BRD1: variants seen among roughly 807,000 people sequenced by gnomAD.
The protein encoded by BRD1 is bromodomain containing 1, also known as bromodomain-containing protein 1.
A neutral mutation model predicts 107.7 loss-of-function variants in BRD1; 24 were observed. The observed-to-expected ratio is 0.22, with a 90% confidence interval of 0.16 to 0.31. The LOEUF (loss-of-function observed/expected upper bound fraction) is 0.31. BRD1 is among the 10% of genes least tolerant of loss of function. BRD1 has a pLI of 1.00. For synonymous variants in BRD1, 744 were observed against 686.1 expected (o/e 1.08, Z -1.32); for missense variants, 1,279 against 1,638.6 (o/e 0.78, Z 3.79).
intron 3 of BRD1, among the ~76,000 whole-genome samples, chr22:49,800,492 C>A (rs9616354): frequency 6.6e-6 from 1 of 152,196 alleles, no homozygotes; most frequent in Non-Finnish European, 1.5e-5. Flanking sequence ...AGCTTGCAAT[C>A]GACACTTCTG....
chr22:49,814,740 G>T (rs2059917612), intron 2 of BRD1, among the ~76,000 whole-genome samples: 1 of 152,198 alleles, frequency 6.6e-6, no homozygotes, highest in African/African-American at 2.4e-5. Flanking sequence ...CCTCCAGCAG[G>T]TAGCACCTAG....
rs2059358748 is a variant in BRD1 at position 49,787,720 on chromosome 22, G to C, written c.2527C>G (p.Gln843Glu). ...GGGCGTCCGCTTACCAGTGCGCTCT[G>C]AGTGCAAGCGCTATGTGATTCATTA... Reference protein sequence around the residue: ...FDNESHSACTQSALVSGRPPE... With the variant: ...FDNESHSACTESALVSGRPPE... Residue 843 changes from glutamine (Q) to glutamate (E), a missense_variant, in exon 8 of 13, where the codon CAG (glutamine) becomes GAG (glutamate). By Grantham distance (29) the Gln-to-Glu change is conservative. This residue lies in a region of BRD1 where 406 missense variants were observed against 519.4 expected (regional missense o/e 0.78). Transcript: ENST00000404760. 1 of 1,550,822 alleles carries C rather than the reference G, an allele frequency of 6.4e-7. No individual in the cohort carries two copies. The highest frequency in any genetic ancestry group is 8.7e-7 in the Non-Finnish European group (1 of 1,147,058).
At chr22:49,781,789 AAAG>A (rs1353219559) in intron 8 of BRD1, among the ~76,000 whole-genome samples, 3 of 152,404 alleles carry the variant, frequency 2.0e-5, no homozygotes, top group Non-Finnish European at 4.4e-5. Flanking sequence ...ACCATCGTTA[AAAG>A]AAGAGCAGTT....
intron 2 of BRD1, among the ~76,000 whole-genome samples, chr22:49,811,594 C>T (rs186366518): frequency 5.9e-5 from 9 of 152,340 alleles, no homozygotes; most frequent in South Asian, 4.1e-4. Context: ...AGGCAGGACA[C>T]GACAGGGAGA....
chr22:49,791,866 G>A (rs66513329), intron 7 of BRD1, among the ~76,000 whole-genome samples: 4,626 of 152,236 alleles, frequency 0.03, 91 homozygotes, highest in Middle Eastern at 0.095. Flanking sequence ...CATCAATTGA[G>A]TCATTGTGAA....
chr22:49,787,378 C>T lies in BRD1; in HGVS notation c.2857+12G>A, dbSNP rs374669680. 2.7e-5 allele frequency: 44 copies of T among 1,601,680 alleles called. No individual in the cohort carries two copies. Among genetic ancestry groups the T allele is most frequent in the Non-Finnish European group, 3.2e-5 (37 of 1,173,346 alleles). On this transcript the variant is annotated intron_variant, in intron 8 of 12. Transcript: ENST00000404760. ...GGCAAGGGCGCCTCTCAGGGCCGCC[C>T]GCGGCATTTACCTGCGTCCAGGCGC... is the stretch of plus-strand genomic sequence containing the variant.
chr22:49,795,792 C>G (rs2059519664), intron 6 of BRD1, among the ~76,000 whole-genome samples: 1 of 152,198 alleles, frequency 6.6e-6, no homozygotes, highest in Non-Finnish European at 1.5e-5. Flanking sequence ...CCACGGTCAC[C>G]AGAGGCTAGA....
At chr22:49,782,664 C>T (rs12170899) in intron 8 of BRD1, among the ~76,000 whole-genome samples, 16,350 of 149,206 alleles carry the variant, frequency 0.11, 1,605 homozygotes, top group African/African-American at 0.27. Context: ...GGACCCACTC[C>T]GCGACAATGC....
intron 2 of BRD1, among the ~76,000 whole-genome samples, chr22:49,809,406 G>A (rs536548544): frequency 1.3e-5 from 2 of 151,982 alleles, no homozygotes; most frequent in Non-Finnish European, 2.9e-5. Context: ...CAGGCGTGGT[G>A]ACAGGTGCCT....
At chr22:49,794,330 C>T (rs767252534) in intron 6 of BRD1, 36 bp from the exon 7 acceptor site, 1 of 1,578,556 alleles carries the variant, frequency 6.3e-7, no homozygotes, top group South Asian at 1.1e-5. Flanking sequence ...GTCATCAGGT[C>T]CCACGCACCT....
chr22:49,798,079 G>A lies in BRD1; in HGVS notation c.1824C>T (p.Asp608=), dbSNP rs2059568623. The A allele has an allele frequency of 6.2e-7, 1 of 1,613,096 alleles. No individual in the cohort carries two copies. Among genetic ancestry groups the A allele is most frequent in the Non-Finnish European group, 8.5e-7 (1 of 1,179,234 alleles). ...DYLDHIKHPM[D]FATMRKRLEA... ...CTAACCGTTTCCTCATTGTGGCAAAGTCCATGGGATGTTTAATGTGATCCA... is the reference window on the plus strand; with the variant it reads ...CTAACCGTTTCCTCATTGTGGCAAAATCCATGGGATGTTTAATGTGATCCA... Residue 608 remains aspartate (D), a synonymous_variant, in exon 6 of 13, where the codon GAC becomes GAT. Coordinates refer to ENST00000404760, the MANE Select transcript of BRD1 (RefSeq NM_001304808.3).
chr22:49,811,798 A>C (rs976932031), intron 2 of BRD1, among the ~76,000 whole-genome samples: 1 of 152,256 alleles, frequency 6.6e-6, no homozygotes, highest in South Asian at 2.1e-4. Context: ...GCGGCAGAAC[A>C]GGGATGGAAT....
At chr22:49,817,906 G>A (rs562964398) in intron 2 of BRD1, among the ~76,000 whole-genome samples, 1 of 152,228 alleles carries the variant, frequency 6.6e-6, no homozygotes, top group South Asian at 2.1e-4. Context: ...GACCTCCTGG[G>A]CTCAAGCAAT....
intron 2 of BRD1, among the ~76,000 whole-genome samples, chr22:49,821,885 G>A (rs748298437): frequency 2.0e-5 from 3 of 152,168 alleles, no homozygotes; most frequent in Non-Finnish European, 2.9e-5. Context: ...GGCTCTACCC[G>A]CCCTGTTGAC....
intron 2 of BRD1, among the ~76,000 whole-genome samples, chr22:49,816,078 G>A (rs975340326): frequency 2.0e-5 from 3 of 152,070 alleles, no homozygotes; most frequent in African/African-American, 4.8e-5. Flanking sequence ...ACCCACACAG[G>A]GCTCTCCCCA....
chr22:49,804,208 T>A lies in BRD1; in HGVS notation c.1520A>T (p.Gln507Leu). ...QSSLQSQRSS[Q>L]QRENDEEMKA... ...TGGGGGCCACGAGCCACGTACCTGC[T>A]GTGAGCTTCGCTGAGACTGCAGGCT... The change falls in exon 3 of 13, where the codon CAG (glutamine) becomes CTG (leucine). Residue 507 changes from glutamine (Q) to leucine (L), a missense_variant. Gln to Leu is a moderately radical substitution (Grantham distance 113). Around this residue, in one of 7 missense-constraint regions of BRD1, gnomAD observed 406 missense variants for 519.4 expected, o/e 0.78. Transcript: ENST00000404760. 1 of 1,589,680 alleles carries A rather than the reference T, an allele frequency of 6.3e-7. No individual in the cohort carries two copies.
Position 49,804,766 on chromosome 22 carries a change from G to A in BRD1, c.1368-406C>T, listed in dbSNP as rs141013335. Among the ~76,000 whole-genome samples, 164 of 152,224 alleles carry A rather than the reference G, an allele frequency of 1.1e-3. 3 individuals are homozygous for A. The East Asian group carries it at 0.02, about 19-fold the overall frequency. ...CTTGGGAGGCTGAGGCAGGAGAATC[G>A]CTTAAACCTGGGAGGTGGAGGTTGG... On this transcript the variant is annotated intron_variant, in intron 2 of 12. Coordinates refer to ENST00000404760, the MANE Select transcript of BRD1 (RefSeq NM_001304808.3).
At position 49,804,263 on chromosome 22, in the gene BRD1, C is replaced by T; in HGVS notation, c.1465G>A (p.Gly489Arg). ...YWLLKRLSRN[G>R]APLLRRLQSS... ...TGCAGCCGCCGCAGCAGGGGGGCCC[C>T]GTTCCTGGACAGCCGCTTGAGCAGC... Residue 489 changes from glycine (G) to arginine (R), a missense_variant, in exon 3 of 13, where the codon GGG (glycine) becomes AGG (arginine). Coordinates refer to ENST00000404760, the MANE Select transcript of BRD1 (RefSeq NM_001304808.3). The T allele has an allele frequency of 1.2e-6, 2 of 1,609,584 alleles. No homozygotes were observed. Among genetic ancestry groups the T allele is most frequent in the Non-Finnish European group, 1.7e-6 (2 of 1,178,042 alleles).
In BRD1 at chr22:49,797,975, G is replaced by A. The variant is rs1569111051; in HGVS notation, c.1928C>T (p.Ala643Val). The change falls in exon 6 of 13, where the codon GCC (alanine) becomes GTC (valine). Residue 643 changes from alanine (A) to valine (V), a missense_variant. Coordinates refer to ENST00000404760, the MANE Select transcript of BRD1 (RefSeq NM_001304808.3). ...GGCTCTATAGAACACGGTGTCCCTG[G>A]CATTGTACTTCATGCAGTTATCTAT... ...LIIDNCMKYN[A>V]RDTVFYRAAV... 7 of 1,614,178 alleles carry A rather than the reference G, an allele frequency of 4.3e-6. No homozygotes were observed. The highest frequency in any genetic ancestry group is 5.1e-6 in the Non-Finnish European group (6 of 1,180,038).
Sources: allele counts gnomAD v4.1 joint callset (sites outside exome capture counted in the v4.1 genomes callset), GRCh38; gene constraint gnomAD v4.1.1; regional missense constraint gnomAD v4.1.1; transcripts MANE v1.5; gene names NCBI Gene and HGNC (gene_info 2026-07-23, HGNC 2026-07-21).